The following NKAIN2 variants were observed in gnomAD, a reference collection of about 807,000 sequenced individuals.
NKAIN2 encodes the protein sodium/potassium transporting ATPase interacting 2.
In NKAIN2, 14 loss-of-function variants were observed where a neutral mutation model predicts 32.6. The ratio of observed to expected loss-of-function variants is 0.43; its 90% CI spans 0.28 to 0.67. The LOEUF (loss-of-function observed/expected upper bound fraction) is 0.67, where lower values mean the gene tolerates loss of function less well. NKAIN2 is among the 30% of genes least tolerant of loss of function. The pLI is 0.17. For synonymous variants in NKAIN2, 80 were observed against 87.2 expected (o/e 0.92, Z 0.46); for missense variants, 198 against 258.3 (o/e 0.77, Z 1.60).
At chr6:124,236,275 A>G (rs569139455) in intron 1 of NKAIN2, among the ~76,000 whole-genome samples, 2 of 152,252 alleles carry the variant, frequency 1.3e-5, no homozygotes, top group South Asian at 4.1e-4. Context: ...TAAAATATAG[A>G]TTGTGCTGTA....
intron 1 of NKAIN2, among the ~76,000 whole-genome samples, chr6:124,260,006 G>A (rs1029976737): frequency 1.3e-5 from 2 of 152,096 alleles, no homozygotes; most frequent in African/African-American, 2.4e-5. Flanking sequence ...TGAAGATAAT[G>A]AACTCAATGA....
At chr6:124,804,838 T>G (rs1277241241) in intron 5 of NKAIN2, among the ~76,000 whole-genome samples, 1 of 152,176 alleles carries the variant, frequency 6.6e-6, no homozygotes, top group Non-Finnish European at 1.5e-5. Flanking sequence ...ACCAGGAGAT[T>G]ATATGCTGCA....
chr6:124,063,093 G>A (rs920682150), intron 1 of NKAIN2, among the ~76,000 whole-genome samples: 57 of 151,912 alleles, frequency 3.8e-4, no homozygotes, highest in African/African-American at 1.4e-3. Flanking sequence ...GGCTGAGACA[G>A]AGAATTGCTT....
At chr6:124,694,066 C>A (rs1363839636) in intron 4 of NKAIN2, among the ~76,000 whole-genome samples, 2 of 152,196 alleles carry the variant, frequency 1.3e-5, no homozygotes, top group Non-Finnish European at 2.9e-5. Flanking sequence ...ATCTTGTACA[C>A]CCACATTCCA....
At chr6:124,515,551 C>T (rs996360185) in intron 3 of NKAIN2, among the ~76,000 whole-genome samples, 10 of 152,064 alleles carry the variant, frequency 6.6e-5, no homozygotes, top group African/African-American at 2.4e-4. Context: ...CCAGCTCCCC[C>T]CAGGAAGGGC....
intron 1 of NKAIN2, among the ~76,000 whole-genome samples, chr6:123,976,683 A>G (rs773774163): frequency 1.3e-5 from 2 of 151,966 alleles, no homozygotes; most frequent in South Asian, 4.1e-4. Context: ...GCAAGTTAAC[A>G]TATAAAATTA....
chr6:123,977,053 A>G (rs1248764577), intron 1 of NKAIN2, among the ~76,000 whole-genome samples: 9 of 152,208 alleles, frequency 5.9e-5, no homozygotes, highest in Admixed American at 2.6e-4. Context: ...CAATGGCACA[A>G]TCATGGCCTT....
At chr6:124,799,048 A>C (rs533254377) in intron 5 of NKAIN2, among the ~76,000 whole-genome samples, 59 of 152,390 alleles carry the variant, frequency 3.9e-4, no homozygotes, top group African/African-American at 1.4e-3. Context: ...AATTCAATGT[A>C]TTCAGAGTAA....
At chr6:123,927,904 C>T (rs1471532532) in intron 1 of NKAIN2, among the ~76,000 whole-genome samples, 1 of 152,058 alleles carries the variant, frequency 6.6e-6, no homozygotes, top group Non-Finnish European at 1.5e-5. Context: ...ATGTCCTGGT[C>T]AGATCTACCT....
At chr6:124,546,816 A>T (rs1170928705) in intron 3 of NKAIN2, among the ~76,000 whole-genome samples, 1 of 152,174 alleles carries the variant, frequency 6.6e-6, no homozygotes, top group Non-Finnish European at 1.5e-5. Flanking sequence ...AGGCACGGAC[A>T]TTGGAAGTGA....
intron 2 of NKAIN2, among the ~76,000 whole-genome samples, chr6:124,304,891 C>T (rs941097411): frequency 4.0e-5 from 6 of 151,748 alleles, no homozygotes; most frequent in Admixed American, 2.0e-4. Flanking sequence ...TCCAGCCTGG[C>T]GACAGAACAA....
chr6:124,211,047 A>G (rs533758843), intron 1 of NKAIN2, among the ~76,000 whole-genome samples: 6 of 151,532 alleles, frequency 4.0e-5, no homozygotes, highest in African/African-American at 1.5e-4. Flanking sequence ...TCAATTTTTC[A>G]TGGAGAAAAT....
intron 4 of NKAIN2, 119 bp from the exon 5 acceptor site, chr6:124,791,220 C>A: frequency 1.6e-6 from 1 of 615,516 alleles, no homozygotes; most frequent in Non-Finnish European, 3.1e-6. Context: ...TCCGATGAGC[C>A]ATGTTGGTTG....
At chr6:123,962,008 T>A (rs1418283707) in intron 1 of NKAIN2, among the ~76,000 whole-genome samples, 1 of 152,184 alleles carries the variant, frequency 6.6e-6, no homozygotes. Flanking sequence ...ATAGTTTAGA[T>A]GTTCATCTTG....
At chr6:123,855,019 T>C (rs1330904773) in intron 1 of NKAIN2, among the ~76,000 whole-genome samples, 6 of 152,240 alleles carry the variant, frequency 3.9e-5, no homozygotes, top group Non-Finnish European at 8.8e-5. Context: ...AATGTCATTA[T>C]ATTCTAATGT....
At chr6:124,392,839 A>G (rs1350917093) in intron 3 of NKAIN2, among the ~76,000 whole-genome samples, 1 of 152,138 alleles carries the variant, frequency 6.6e-6, no homozygotes, top group African/African-American at 2.4e-5. Flanking sequence ...TCTCTGGTCT[A>G]TGATCAATCA....
chr6:124,480,322 T>C (rs1777394571), intron 3 of NKAIN2, among the ~76,000 whole-genome samples: 1 of 152,196 alleles, frequency 6.6e-6, no homozygotes, highest in South Asian at 2.1e-4. Flanking sequence ...GAAAAAACTC[T>C]GAAGAAATCA....
chr6:124,266,105 A>AT (rs1419370321), intron 1 of NKAIN2, among the ~76,000 whole-genome samples: 12 of 152,138 alleles, frequency 7.9e-5, no homozygotes, highest in African/African-American at 2.9e-4. Flanking sequence ...TTAATGTAAT[A>AT]TTTTTTGAAT....
At chr6:124,233,550 G>A (rs1792574143) in intron 1 of NKAIN2, among the ~76,000 whole-genome samples, 1 of 152,086 alleles carries the variant, frequency 6.6e-6, no homozygotes, top group African/African-American at 2.4e-5. Context: ...CCTTTTCCTT[G>A]TCTTCCTTTC....
Sources: gnomAD v4.1 joint callset for allele counts (sites outside exome capture counted in the v4.1 genomes callset) on GRCh38, gnomAD v4.1.1 for gene constraint, MANE v1.5 for transcripts, NCBI Gene and HGNC (gene_info 2026-07-23, HGNC 2026-07-21) for gene names.